The following AMOT variants were observed in gnomAD, a reference collection of about 807,000 sequenced individuals.
AMOT encodes angiomotin.
A neutral mutation model predicts 67.0 loss-of-function variants in AMOT; 11 were observed. The ratio of observed to expected loss-of-function variants is 0.16; its 90% CI spans 0.10 to 0.27. AMOT has a LOEUF of 0.27. Among genes scored for constraint, AMOT ranks in the 10% least tolerant of loss-of-function variants. AMOT has a pLI of 1.00. For synonymous variants in AMOT, 326 were observed against 321.4 expected, an observed-to-expected ratio of 1.01 and a Z score of -0.15; for missense variants, 753 against 852.0, an observed-to-expected ratio of 0.88 and a Z score of 1.45.
At chrX:112,828,485 A>G (rs1386160842) in intron 2 of AMOT, among the ~76,000 whole-genome samples, 1 of 71,342 alleles carries the variant, frequency 1.4e-5, no homozygotes, top group Non-Finnish European at 2.6e-5. Flanking sequence ...AGCTATTACT[A>G]TAATTGTTAT....
At position 112,781,060 on chromosome X, in the gene AMOT, G is replaced by T; in HGVS notation, c.2299C>A (p.Gln767Lys). The T allele has an allele frequency of 8.3e-7, 1 of 1,212,067 alleles. No homozygotes were observed. The highest frequency in any genetic ancestry group is 1.8e-5 in the South Asian group (1 of 57,011). Reference protein sequence around the residue: ...EKDAMIKVLQQRSRKEPSKTE... With the variant: ...EKDAMIKVLQKRSRKEPSKTE... ...TTGCTCGGCTCCTTCCGGGAACGCT[G>T]CTGGAGTACTTTGATCATGGCATCC... Residue 767 changes from glutamine to lysine, a missense_variant, in exon 12 of 14, where the codon CAG becomes AAG. Transcript: ENST00000371959.
At chrX:112,833,291 T>C (rs1033341019) in intron 1 of AMOT, among the ~76,000 whole-genome samples, 1 of 109,679 alleles carries the variant, frequency 9.1e-6, no homozygotes, top group African/African-American at 3.3e-5. Flanking sequence ...AAAGGTGGAG[T>C]ACAGTAAAAA....
At chrX:112,797,328 TATA>T (rs1486511888) in intron 8 of AMOT, among the ~76,000 whole-genome samples, 4 of 111,566 alleles carry the variant, frequency 3.6e-5, no homozygotes, top group African/African-American at 6.5e-5. Context: ...CAGTTTAAGC[TATA>T]ATAACACCTA....
Position 112,811,251 on chromosome X carries a change from C to T in AMOT, c.1535G>A (p.Arg512Lys). The change falls in exon 6 of 14, where the codon AGA (arginine) becomes AAA (lysine). Residue 512 changes from arginine to lysine, a missense_variant and splice_region_variant. Around this residue, in one of 5 missense-constraint regions of AMOT, gnomAD observed 297 missense variants for 284.3 expected, o/e 1.04. Coordinates refer to ENST00000371959, the MANE Select transcript of AMOT (RefSeq NM_001113490.2). Reference sequence around the variant, plus strand: ...GACAAGTCTGTTGGTTCCCTCACCTCTCAGATCCCTGTTGAAATCATGCAT... The same window carrying T: ...GACAAGTCTGTTGGTTCCCTCACCTTTCAGATCCCTGTTGAAATCATGCAT... ...RRMHDFNRDLRERLETANKQL... is the reference protein window; with the variant it reads ...RRMHDFNRDLKERLETANKQL... The T allele has an allele frequency of 8.3e-7, 1 of 1,211,007 alleles. No homozygotes were observed. The highest frequency in any genetic ancestry group is 1.1e-6 in the Non-Finnish European group (1 of 895,091).
intron 5 of AMOT, among the ~76,000 whole-genome samples, chrX:112,812,481 A>G (rs1468745293): frequency 1.8e-5 from 2 of 111,628 alleles, no homozygotes; most frequent in East Asian, 5.6e-4. Flanking sequence ...TGCAAATCTC[A>G]TAAAATGGGG....
At chrX:112,820,110 G>T (rs767536414) in intron 4 of AMOT, among the ~76,000 whole-genome samples, 1 of 112,211 alleles carries the variant, frequency 8.9e-6, no homozygotes, top group East Asian at 2.8e-4. Context: ...GCCAGTATTT[G>T]CCTGATGCAG....
chrX:112,822,712 G>A lies in AMOT; in HGVS notation c.415C>T (p.Gln139Ter). ...AAFYVTGVTN[Q>*]KMRTEGRPSV... ...GGGCGTCCCTCAGTCCTCATCTTCT[G>A]GTTGGTGACTCCAGTGACATAGAAG... The change falls in exon 4 of 14, where the codon CAG becomes TAG. Residue 139 changes from glutamine (Q) to a stop codon, truncating the protein, a stop_gained. Transcript: ENST00000371959. LOFTEE classifies it high-confidence loss of function. 1 of 1,166,622 alleles carries A rather than the reference G, an allele frequency of 8.6e-7. No homozygotes were observed. The highest frequency in any genetic ancestry group is 1.1e-6 in the Non-Finnish European group (1 of 872,998).
intron 11 of AMOT, among the ~76,000 whole-genome samples, chrX:112,781,654 G>A (rs1234738119): frequency 9.1e-6 from 1 of 109,994 alleles, no homozygotes; most frequent in Non-Finnish European, 1.9e-5. Context: ...GAGCATCCAG[G>A]AGCTGTTGCT....
intron 10 of AMOT, among the ~76,000 whole-genome samples, chrX:112,786,522 T>G (rs1427123194): frequency 8.9e-6 from 1 of 112,234 alleles, no homozygotes; most frequent in East Asian, 2.8e-4. Flanking sequence ...TCATCTATAT[T>G]AAGCATCTAG....
At position 112,781,050 on chromosome X, in the gene AMOT, C is replaced by T. The variant is rs780642944; in HGVS notation, c.2309G>A (p.Arg770Gln). The change falls in exon 12 of 14, where the codon CGG (arginine) becomes CAG (glutamine). Residue 770 changes from arginine (R) to glutamine (Q), a missense_variant. Coordinates refer to ENST00000371959, the MANE Select transcript of AMOT (RefSeq NM_001113490.2). The stretch of plus-strand genomic sequence containing the variant: ...CTGCTCTGTCTTGCTCGGCTCCTTC[C>T]GGGAACGCTGCTGGAGTACTTTGAT... ...AMIKVLQQRS[R>Q]KEPSKTEQLS... is the part of the protein sequence containing the mutation. The T allele has an allele frequency of 5.8e-6, 7 of 1,210,398 alleles. No individual in the cohort carries two copies. The highest frequency in any genetic ancestry group is 7.8e-6 in the Non-Finnish European group (7 of 895,375).
chrX:112,801,582 G>C (rs1048922076), intron 8 of AMOT, among the ~76,000 whole-genome samples: 1 of 112,230 alleles, frequency 8.9e-6, no homozygotes, highest in Non-Finnish European at 1.9e-5. Context: ...GATTGCAGGA[G>C]AAAGTTCTTT....
intron 7 of AMOT, among the ~76,000 whole-genome samples, chrX:112,806,290 T>C (rs1361228406): frequency 9.4e-6 from 1 of 106,054 alleles, no homozygotes; most frequent in East Asian, 3.0e-4. Context: ...TAAAAAAAAG[T>C]AATCCAATAT....
intron 8 of AMOT, among the ~76,000 whole-genome samples, chrX:112,793,287 G>C (rs1283627329): frequency 9.0e-6 from 1 of 111,134 alleles, no homozygotes; most frequent in Non-Finnish European, 1.9e-5. Context: ...AGAAATTCAG[G>C]CATCCGATTC....
At chrX:112,804,898 T>TTGCCCCCC in intron 8 of AMOT, 49 bp downstream of exon 8, 25 of 837,468 alleles carry the variant, frequency 3.0e-5, no homozygotes, top group Non-Finnish European at 3.5e-5. Context: ...GTCCCCGATT[T>TTGCCCCCC]CCCAGCCCTC....
At position 112,776,583 on chromosome X, in the gene AMOT, A is replaced by C. The variant is rs2147770744; in HGVS notation, c.*1984T>G. On this transcript the variant is annotated 3_prime_UTR_variant, in exon 14 of 14. Coordinates refer to ENST00000371959, the MANE Select transcript of AMOT (RefSeq NM_001113490.2). ...TCTACACACACACAGGCACACACAC[A>C]AAATAATTCCTTTGGAAGATAATTA... 1 of 111,909 alleles carries C rather than the reference A, an allele frequency of 8.9e-6. No individual in the cohort carries two copies. Among genetic ancestry groups the C allele is most frequent in the Non-Finnish European group, 1.9e-5 (1 of 53,115 alleles). 9.2% of individuals were successfully genotyped at this position (111,909 alleles called of 1,213,427 possible).
At chrX:112,778,721 T>C in intron 13 of AMOT, 57 bp from the exon 14 acceptor site, 1 of 1,047,140 alleles carries the variant, frequency 9.5e-7, no homozygotes. Flanking sequence ...CCCATATTTC[T>C]AGAACCAGAC....
At chrX:112,815,939 C>A (rs778024778) in intron 4 of AMOT, 62 bp from the exon 5 acceptor site, 15 of 1,125,342 alleles carry the variant, frequency 1.3e-5, no homozygotes, top group African/African-American at 5.5e-5. Context: ...GGGAGAAGGG[C>A]ACACAAAAGT....
At chrX:112,829,294 T>A (rs1445100820) in intron 2 of AMOT, among the ~76,000 whole-genome samples, 1 of 111,549 alleles carries the variant, frequency 9.0e-6, no homozygotes, top group Non-Finnish European at 1.9e-5. Context: ...GGTGCTGTTC[T>A]GATAGTGAGT....
At chrX:112,806,985 C>T (rs1203303058) in intron 7 of AMOT, among the ~76,000 whole-genome samples, 1 of 111,793 alleles carries the variant, frequency 8.9e-6, no homozygotes, top group Non-Finnish European at 1.9e-5. Flanking sequence ...TGAAATATGC[C>T]AGAGCATTCT....
Sources: allele counts gnomAD v4.1 joint callset (sites outside exome capture counted in the v4.1 genomes callset), GRCh38; gene constraint gnomAD v4.1.1; regional missense constraint gnomAD v4.1.1; transcripts MANE v1.5; gene names NCBI Gene and HGNC (gene_info 2026-07-23, HGNC 2026-07-21).